Variants in PALD1 observed in about 807,000 individuals in gnomAD.
PALD1 encodes the protein phosphatase domain containing paladin 1, also known as paladin.
PALD1 carries 57 observed loss-of-function variants against 96.0 expected under a neutral mutation model. That is an observed-to-expected ratio of 0.59 (90% CI 0.48 to 0.74). The LOEUF (loss-of-function observed/expected upper bound fraction) is 0.74. PALD1 is among the 30% of genes least tolerant of loss of function. The pLI is 0.00. For synonymous variants in PALD1, 464 were observed against 473.6 expected (o/e 0.98, Z 0.26); for missense variants, 1,063 against 1,143.7 (o/e 0.93, Z 1.02).
the PALD1 span, among the ~76,000 whole-genome samples, chr10:70,459,682 T>G: frequency 6.6e-6 from 1 of 152,232 alleles, no homozygotes; most frequent in East Asian, 1.9e-4. Flanking sequence ...TGGGATCTTC[T>G]CTGGGACTCA....
At chr10:70,560,258 G>A (rs752272802) in intron 18 of PALD1, among the ~76,000 whole-genome samples, 6 of 152,150 alleles carry the variant, frequency 3.9e-5, no homozygotes, top group Non-Finnish European at 8.8e-5. Context: ...AGGAGGAACA[G>A]CATGGGTGAA....
intron 17 of PALD1, among the ~76,000 whole-genome samples, chr10:70,541,774 G>T (rs896532931): frequency 6.6e-6 from 1 of 151,990 alleles, no homozygotes; most frequent in African/African-American, 2.4e-5. Flanking sequence ...CTCCCTGCCC[G>T]GCCTTGCTGT....
In PALD1 at chr10:70,531,420, G is replaced by C. The variant is rs760183959; in HGVS notation, c.599G>C (p.Arg200Pro). Reference sequence around the variant, plus strand: ...CTCCAGGGCCTTGGACCCGGGGTCCGGGTGGAGAGCCTGGAGCTGGCCATC... The same window carrying C: ...CTCCAGGGCCTTGGACCCGGGGTCCCGGTGGAGAGCCTGGAGCTGGCCATC... ...ENLQGLGPGVRVESLELAIRK... is the reference protein window; with the variant it reads ...ENLQGLGPGVPVESLELAIRK... The change falls in exon 5 of 20, where the codon CGG becomes CCG. Residue 200 changes from arginine (R) to proline (P), a missense_variant. Arg to Pro is a moderately radical substitution (Grantham distance 103). Coordinates refer to ENST00000263563, the MANE Select transcript of PALD1 (RefSeq NM_014431.3). 33 of 1,613,912 alleles carry C rather than the reference G, an allele frequency of 2.0e-5. No individual in the cohort carries two copies. The South Asian group carries it at 3.0e-4, about 14-fold the overall frequency.
chr10:70,525,850 C>A, intron 1 of PALD1, 73 bp from the exon 2 acceptor site: 2 of 1,186,414 alleles, frequency 1.7e-6, no homozygotes, highest in Non-Finnish European at 2.5e-6. Context: ...TGGTGGAGGG[C>A]GAGAGGTGGG....
chr10:70,547,429 A>G lies in PALD1; in HGVS notation c.2245A>G (p.Ile749Val). ...GCACTACCACCTGCGGGAGATCATC[A>G]TCTGCACCTACCGCCAGGTGAGCCC... ...PMHYHLREIIICTYRQAKAAK... is the reference protein window; with the variant it reads ...PMHYHLREIIVCTYRQAKAAK... Residue 749 changes from isoleucine to valine, a missense_variant, in exon 18 of 20, where the codon ATC becomes GTC. Physicochemically the swap from Ile to Val is conservative, Grantham distance 29 (BLOSUM62 3). Coordinates refer to ENST00000263563, the MANE Select transcript of PALD1 (RefSeq NM_014431.3). 1.2e-6 allele frequency: 2 copies of G among 1,610,018 alleles called. No homozygotes were observed. Among genetic ancestry groups the G allele is most frequent in the Non-Finnish European group, 1.7e-6 (2 of 1,178,686 alleles).
intron 7 of PALD1, 113 bp from the exon 8 acceptor site, chr10:70,533,809 T>C: frequency 1.0e-6 from 1 of 1,004,334 alleles, no homozygotes; most frequent in Non-Finnish European, 1.4e-6. Context: ...TGGAGCCCAC[T>C]TTGCTGCAGA....
At chr10:70,538,439 C>A in intron 12 of PALD1, 31 bp downstream of exon 12, 2 of 1,602,904 alleles carry the variant, frequency 1.2e-6, no homozygotes, top group African/African-American at 1.3e-5. Context: ...GAGAAGTGGG[C>A]ATGGCTGTGT....
At chr10:70,560,240 G>A (rs895115725) in intron 18 of PALD1, among the ~76,000 whole-genome samples, 4 of 152,108 alleles carry the variant, frequency 2.6e-5, no homozygotes, top group African/African-American at 4.8e-5. Context: ...GAGGGAACCC[G>A]ACCAGGCAGG....
chr10:70,484,546 GT>G (rs764924623), intron 1 of PALD1, among the ~76,000 whole-genome samples: 23 of 144,928 alleles, frequency 1.6e-4, no homozygotes, highest in Admixed American at 4.1e-4. Flanking sequence ...TTTATTGTTT[GT>G]TTTTTTTTTT....
chr10:70,481,115 G>A lies in PALD1; in HGVS notation c.-30+2056G>A, dbSNP rs935225003. Among the ~76,000 whole-genome samples, 4 of 152,338 alleles carry A rather than the reference G, an allele frequency of 2.6e-5. No homozygotes were observed. In the South Asian group the frequency reaches 6.2e-4, roughly 24 times the overall value. On this transcript the variant is annotated intron_variant, in intron 1 of 19. Transcript: ENST00000263563. ...TAGGTAGACCCAGCAGAGCACAGACGGGGATGGGAACCGACATTCCCAGAC... is the reference window on the plus strand; with the variant it reads ...TAGGTAGACCCAGCAGAGCACAGACAGGGATGGGAACCGACATTCCCAGAC...
chr10:70,533,301 CTGTGTGTCTG>C lies in PALD1; in HGVS notation c.870+237_870+246del, dbSNP rs1041378066. Among the ~76,000 whole-genome samples, 39 of 151,790 alleles carry C rather than the reference CTGTGTGTCTG, an allele frequency of 2.6e-4. No individual in the cohort carries two copies. The East Asian group carries it at 6.8e-3, about 26-fold the overall frequency. ...TGTGTGTACATGTTTATGTGTCTCTCTGTGTGTCTGTGTGTTCCTGTCTGTGTGTCTCTGT... is the reference window on the plus strand; with the variant it reads ...TGTGTGTACATGTTTATGTGTCTCTCTGTGTTCCTGTCTGTGTGTCTCTGT... On this transcript the variant is annotated intron_variant, in intron 7 of 19. Coordinates refer to ENST00000263563, the MANE Select transcript of PALD1 (RefSeq NM_014431.3).
intron 18 of PALD1, among the ~76,000 whole-genome samples, chr10:70,552,486 T>C (rs1271785791): frequency 1.3e-5 from 2 of 152,206 alleles, no homozygotes; most frequent in South Asian, 4.1e-4. Context: ...TTGGAATGTT[T>C]CAAACAGAAA....
At chr10:70,483,284 T>C (rs944479080) in intron 1 of PALD1, among the ~76,000 whole-genome samples, 9 of 152,122 alleles carry the variant, frequency 5.9e-5, no homozygotes, top group African/African-American at 2.2e-4. Flanking sequence ...GCGTTTTGTG[T>C]ATTTCCCATA....
rs1847874339 is a variant in PALD1 at position 70,567,245 on chromosome 10, G to A, written c.*512G>A. 1 of 156,636 alleles carries A rather than the reference G, an allele frequency of 6.4e-6. No individual in the cohort carries two copies. The highest frequency in any genetic ancestry group is 1.4e-5 in the Non-Finnish European group (1 of 71,072). The allele number at this position is 156,636 out of a possible 1,614,324, so 9.7% of individuals were successfully genotyped here. On this transcript the variant is annotated 3_prime_UTR_variant, in exon 20 of 20. Coordinates refer to ENST00000263563, the MANE Select transcript of PALD1 (RefSeq NM_014431.3). ...GGCGTCTGGCAGCCTGAGGTGGGTGGAGGGGACAGTGTTCTGGATAGATCT... is the reference window on the plus strand; with the variant it reads ...GGCGTCTGGCAGCCTGAGGTGGGTGAAGGGGACAGTGTTCTGGATAGATCT...
At chr10:70,477,741 GGCCTACACT>G (rs1228999804), upstream of PALD1, among the ~76,000 whole-genome samples, 1 of 152,152 alleles carries the variant, frequency 6.6e-6, no homozygotes, top group Non-Finnish European at 1.5e-5. Context: ...ACAGAGGTGG[GGCCTACACT>G]GCCTGCATCC....
chr10:70,558,179 C>T (rs189813092), intron 18 of PALD1, among the ~76,000 whole-genome samples: 44 of 151,940 alleles, frequency 2.9e-4, no homozygotes, highest in African/African-American at 9.9e-4. Context: ...TCTTATTTCT[C>T]CTCTGGGGCT....
chr10:70,507,163 A>G (rs906876863), intron 1 of PALD1, among the ~76,000 whole-genome samples: 3 of 151,636 alleles, frequency 2.0e-5, no homozygotes, highest in African/African-American at 4.8e-5. Flanking sequence ...GCACTTTGGG[A>G]GGTCGAGGTA....
At chr10:70,560,916 C>T (rs1031278887) in intron 18 of PALD1, among the ~76,000 whole-genome samples, 2 of 126,244 alleles carry the variant, frequency 1.6e-5, no homozygotes, top group South Asian at 2.6e-4. Context: ...GCTGACCCGT[C>T]CTCCCCAGGC....
chr10:70,511,164 A>G (rs1846509986), intron 1 of PALD1, among the ~76,000 whole-genome samples: 1 of 152,232 alleles, frequency 6.6e-6, no homozygotes, highest in Admixed American at 6.5e-5. Context: ...ACCTAAAAAT[A>G]ACAGAGTGCA....
Sources: gnomAD v4.1 joint callset for allele counts (sites outside exome capture counted in the v4.1 genomes callset) on GRCh38, gnomAD v4.1.1 for gene constraint, MANE v1.5 for transcripts, NCBI Gene and HGNC (gene_info 2026-07-23, HGNC 2026-07-21) for gene names.